PTN: variants seen among roughly 807,000 people sequenced by gnomAD.
PTN encodes heparin affin regulatory protein.
Under a neutral mutation model 24.1 loss-of-function variants are expected in PTN, and 18 were observed. The ratio of observed to expected loss-of-function variants is 0.75; its 90% CI spans 0.52 to 1.11. The LOEUF (loss-of-function observed/expected upper bound fraction) is 1.11. Ranked by LOEUF, PTN falls within the 50% of genes least tolerant of loss-of-function variation. The probability of loss-of-function intolerance (pLI) is 0.00; values close to 1 mark genes in which losing one functional copy is unlikely to be tolerated. For missense variants in PTN, 163 were observed against 198.8 expected (o/e 0.82, Z 1.08); for synonymous variants, 78 against 68.6 (o/e 1.14, Z -0.67).
At chr7:137,231,431 C>T (rs1263518019) in intron 4 of PTN, among the ~76,000 whole-genome samples, 8 of 151,884 alleles carry the variant, frequency 5.3e-5, no homozygotes. Context: ...GGGAAGCCCT[C>T]CAAGAGCTCT....
chr7:137,343,492 GA>G lies in PTN; in HGVS notation c.-56del, dbSNP rs545340835. ...TCAGTCTGCCTTTGTTGCAAGGGGC[GA>G]GGTTGCTACCGCTGAGTCCAGGTAC... On this transcript the variant is annotated 5_prime_UTR_variant, in exon 1 of 5. Coordinates refer to ENST00000348225, the MANE Select transcript of PTN (RefSeq NM_002825.7). 694 of 518,862 alleles carry G rather than the reference GA, an allele frequency of 1.3e-3. 8 individuals carry two copies. Among genetic ancestry groups the G allele is most frequent in the Middle Eastern group, 0.013 (40 of 3,146 alleles). The allele number at this position is 518,862 out of a possible 1,614,324, so 32.1% of individuals were successfully genotyped here.
chr7:137,270,573 C>T (rs936427101), intron 1 of PTN, among the ~76,000 whole-genome samples: 2 of 152,134 alleles, frequency 1.3e-5, no homozygotes, highest in Non-Finnish European at 2.9e-5. Flanking sequence ...TGGTTCATTA[C>T]AAATAGTGTA....
At chr7:137,231,377 C>T (rs1489403811) in intron 4 of PTN, among the ~76,000 whole-genome samples, 1 of 151,824 alleles carries the variant, frequency 6.6e-6, no homozygotes, top group Non-Finnish European at 1.5e-5. Context: ...GCACAGTCAG[C>T]ACCTAGTCAT....
Position 137,337,570 on chromosome 7 carries a change from T to C in PTN, c.-2+5869A>G, listed in dbSNP as rs1199582148. Among the ~76,000 whole-genome samples, 4 of 152,320 alleles carry C rather than the reference T, an allele frequency of 2.6e-5. No homozygotes were observed. The South Asian group carries it at 6.2e-4, about 24-fold the overall frequency. Reference sequence around the variant, plus strand: ...ACTAGCTTTGTCACTTTGAATAATATGGTTTGTTAAAGAAGAGGTAAGTAA... The same window carrying C: ...ACTAGCTTTGTCACTTTGAATAATACGGTTTGTTAAAGAAGAGGTAAGTAA... On this transcript the variant is annotated intron_variant, in intron 1 of 4. Transcript: ENST00000348225.
At chr7:137,254,122 A>G (rs567460664) in intron 2 of PTN, among the ~76,000 whole-genome samples, 127 of 152,106 alleles carry the variant, frequency 8.3e-4, no homozygotes, top group African/African-American at 2.5e-3. Context: ...ACATGGTGAA[A>G]CCCCAACTCT....
intron 1 of PTN, among the ~76,000 whole-genome samples, chr7:137,306,347 G>A (rs1459607069): frequency 2.0e-5 from 3 of 151,970 alleles, no homozygotes; most frequent in African/African-American, 4.8e-5. Context: ...CTGGTAAATC[G>A]GGTTACAAAT....
chr7:137,304,729 T>C (rs982592640), intron 1 of PTN, among the ~76,000 whole-genome samples: 1 of 152,020 alleles, frequency 6.6e-6, no homozygotes, highest in Non-Finnish European at 1.5e-5. Context: ...GAATGCCTAC[T>C]ACCTGTTTTA....
chr7:137,325,441 C>T (rs1447021725), intron 1 of PTN: 2 of 152,504 alleles, frequency 1.3e-5, no homozygotes, highest in Non-Finnish European at 2.9e-5. Context: ...GGAGTGTCTT[C>T]ACATCCCAGC....
intron 1 of PTN, 83 bp downstream of exon 1, chr7:137,343,354 CTG>C (rs1485427353): frequency 2.5e-6 from 1 of 406,626 alleles, no homozygotes; most frequent in African/African-American, 2.0e-5. Flanking sequence ...CCACCATCAT[CTG>C]CTGGCACCCA....
At position 137,268,241 on chromosome 7, in the gene PTN, G is replaced by T. The variant is rs532649118; in HGVS notation, c.-1-13267C>A. Among the ~76,000 whole-genome samples the T allele has an allele frequency of 3.3e-3, 507 of 152,158 alleles. 2 individuals carry two copies. The highest frequency in any genetic ancestry group is 5.3e-3 in the Non-Finnish European group (358 of 68,012). The stretch of plus-strand genomic sequence containing the variant: ...GCGCTCTCAGGATCCGCGTCGCTCC[G>T]GCTGGTTGGAGTCCCCCGCAGGGAT... On this transcript the variant is annotated intron_variant, in intron 1 of 4. Coordinates refer to ENST00000348225, the MANE Select transcript of PTN (RefSeq NM_002825.7).
intron 4 of PTN, among the ~76,000 whole-genome samples, chr7:137,240,695 T>C (rs1164935249): frequency 6.6e-6 from 1 of 152,136 alleles, no homozygotes; most frequent in Non-Finnish European, 1.5e-5. Flanking sequence ...TAGAGAAAGA[T>C]CAGGCAAGTG....
chr7:137,311,495 T>C (rs1046660347), intron 1 of PTN, among the ~76,000 whole-genome samples: 1 of 152,240 alleles, frequency 6.6e-6, no homozygotes, highest in Non-Finnish European at 1.5e-5. Context: ...TGACTTCTGA[T>C]ATGCCCTTCC....
At chr7:137,245,597 CCTT>C (rs1263824616) in intron 4 of PTN, among the ~76,000 whole-genome samples, 1 of 151,728 alleles carries the variant, frequency 6.6e-6, no homozygotes, top group African/African-American at 2.4e-5. Flanking sequence ...AGAGTGTATT[CCTT>C]CTTCTTAGTA....
At chr7:137,329,296 C>G (rs1282541275) in intron 1 of PTN, among the ~76,000 whole-genome samples, 1 of 152,156 alleles carries the variant, frequency 6.6e-6, no homozygotes, top group East Asian at 1.9e-4. Context: ...ATAATAAGAA[C>G]AGAAAGCAAG....
intron 1 of PTN, among the ~76,000 whole-genome samples, chr7:137,307,938 C>T (rs927503120): frequency 2.6e-5 from 4 of 152,096 alleles, no homozygotes; most frequent in Non-Finnish European, 5.9e-5. Context: ...AAGGATATTA[C>T]AAGATTTTCT....
chr7:137,279,073 G>T (rs1809422630), intron 1 of PTN, among the ~76,000 whole-genome samples: 1 of 151,390 alleles, frequency 6.6e-6, no homozygotes, highest in Non-Finnish European at 1.5e-5. Context: ...CAGTATGAAT[G>T]AACCTGACCT....
intron 1 of PTN, among the ~76,000 whole-genome samples, chr7:137,278,973 A>AATAATG (rs1403367763): frequency 6.8e-6 from 1 of 147,280 alleles, no homozygotes; most frequent in Non-Finnish European, 1.5e-5. Context: ...TAATAATAAT[A>AATAATG]ATAATAATAA....
chr7:137,242,193 C>T (rs1172132904), intron 4 of PTN, among the ~76,000 whole-genome samples: 1 of 152,210 alleles, frequency 6.6e-6, no homozygotes, highest in East Asian at 1.9e-4. Context: ...CTGTGTCCTG[C>T]ACACAGTTGA....
chr7:137,274,205 T>A (rs1382578849), intron 1 of PTN, among the ~76,000 whole-genome samples: 2 of 152,070 alleles, frequency 1.3e-5, no homozygotes, highest in African/African-American at 4.8e-5. Context: ...TAGTGCCCCC[T>A]CCTTACCCCA....
Sources: allele counts gnomAD v4.1 joint callset (sites outside exome capture counted in the v4.1 genomes callset), GRCh38; gene constraint gnomAD v4.1.1; transcripts MANE v1.5; gene names NCBI Gene and HGNC (gene_info 2026-07-23, HGNC 2026-07-21).